Variants in CLIC5 observed in about 807,000 individuals in gnomAD.
CLIC5 encodes the protein chloride intracellular channel protein 5.
Under a neutral mutation model 24.7 loss-of-function variants are expected in CLIC5, and 20 were observed. That is an observed-to-expected ratio of 0.81 (90% CI 0.57 to 1.18). The LOEUF is 1.18. Among genes scored for constraint, CLIC5 ranks in the 50% most tolerant of loss-of-function variants. CLIC5 has a pLI of 0.00. For synonymous variants in CLIC5, 159 were observed against 135.6 expected (o/e 1.17, Z -1.20); for missense variants, 341 against 326.1 (o/e 1.05, Z -0.35).
intron 1 of CLIC5, among the ~76,000 whole-genome samples, chr6:45,993,917 C>T (rs1256379674): frequency 6.6e-6 from 1 of 152,212 alleles, no homozygotes; most frequent in African/African-American, 2.4e-5. Context: ...CACCACCTTT[C>T]TCAAGATACC....
At chr6:45,983,702 T>C (rs992770730) in intron 1 of CLIC5, among the ~76,000 whole-genome samples, 3 of 152,206 alleles carry the variant, frequency 2.0e-5, no homozygotes, top group Admixed American at 6.5e-5. Context: ...TTCATTTAAA[T>C]GTATGCACAC....
chr6:46,118,529 T>G, the CLIC5 span, among the ~76,000 whole-genome samples: 2 of 152,118 alleles, frequency 1.3e-5, no homozygotes, highest in Non-Finnish European at 2.9e-5. Context: ...ACTGTAAACT[T>G]TTTGAGGGTA....
At chr6:45,924,964 G>A (rs1349854730) in intron 4 of CLIC5, among the ~76,000 whole-genome samples, 1 of 152,116 alleles carries the variant, frequency 6.6e-6, no homozygotes, top group Non-Finnish European at 1.5e-5. Flanking sequence ...GATGTTTGGG[G>A]GTGGAGCAAC....
intron 4 of CLIC5, among the ~76,000 whole-genome samples, chr6:45,930,933 T>C (rs1763714206): frequency 6.6e-6 from 1 of 152,218 alleles, no homozygotes; most frequent in African/African-American, 2.4e-5. Context: ...TGCCTAAGAT[T>C]GAGGTCAGCA....
At position 46,063,608 on chromosome 6, in the gene CLIC5, T is replaced by C. The variant is rs561731496; in HGVS notation, c.540+16095A>G. On this transcript the variant is annotated intron_variant, in intron 1 of 5. Coordinates refer to the CLIC5 transcript ENST00000185206. ...AGAGGAGTCCCCTTGAATCTTTGAC[T>C]AAGTCCTGATCTGCATGTGCATGGG... Among the ~76,000 whole-genome samples the C allele has an allele frequency of 1.4e-4, 21 of 152,330 alleles. No individual in the cohort carries two copies. The East Asian group carries it at 3.7e-3, about 27-fold the overall frequency.
chr6:46,077,118 G>C (rs943556846), intron 1 of CLIC5, among the ~76,000 whole-genome samples: 18 of 151,916 alleles, frequency 1.2e-4, no homozygotes, highest in African/African-American at 4.1e-4. Flanking sequence ...TGGGAGACGA[G>C]ACTTTTTTTT....
Position 45,962,180 on chromosome 6 carries a change from G to A in CLIC5, c.64-6936C>T, listed in dbSNP as rs549089017. 3.3e-5 allele frequency among the ~76,000 whole-genome samples: 5 copies of A among 149,450 alleles called. No individual in the cohort carries two copies. In the South Asian group the frequency reaches 6.3e-4, roughly 19 times the overall value. On this transcript the variant is annotated intron_variant, in intron 1 of 5. Coordinates refer to ENST00000339561, the MANE Select transcript of CLIC5 (RefSeq NM_016929.5). ...TATAATAACATAATATTATATATAT[G>A]TGTGTGTATATATATATACACATAT...
chr6:45,905,996 A>G (rs1024653286), intron 5 of CLIC5, among the ~76,000 whole-genome samples: 11 of 152,074 alleles, frequency 7.2e-5, no homozygotes, highest in Non-Finnish European at 1.5e-4. Flanking sequence ...ATTTTTGTCA[A>G]TTTTGTGGAA....
the CLIC5 span, among the ~76,000 whole-genome samples, chr6:46,100,850 C>T: frequency 7.2e-5 from 11 of 152,138 alleles, no homozygotes; most frequent in Non-Finnish European, 1.2e-4. Flanking sequence ...AACCACAGAG[C>T]GATTACCACT....
chr6:46,071,635 A>G (rs1762600333), intron 1 of CLIC5, among the ~76,000 whole-genome samples: 1 of 152,168 alleles, frequency 6.6e-6, no homozygotes, highest in African/African-American at 2.4e-5. Context: ...ACTGTTGATT[A>G]GAGTGTAAGT....
At chr6:46,080,036 G>A in exon 1 of CLIC5, 4 of 1,551,574 alleles carry the variant, frequency 2.6e-6, no homozygotes, top group Non-Finnish European at 3.5e-6. Flanking sequence ...AGGCCAAGCT[G>A]GTCTCTTCAC....
At chr6:45,975,825 T>C (rs1344265957) in intron 1 of CLIC5, among the ~76,000 whole-genome samples, 1 of 152,204 alleles carries the variant, frequency 6.6e-6, no homozygotes, top group Non-Finnish European at 1.5e-5. Context: ...TTGAAAGGTA[T>C]ACAATATAAT....
intron 1 of CLIC5, among the ~76,000 whole-genome samples, chr6:46,007,363 C>T (rs1158118990): frequency 6.6e-6 from 1 of 152,208 alleles, no homozygotes; most frequent in Non-Finnish European, 1.5e-5. Context: ...GGACACTAAC[C>T]TTTCCAGGGG....
intron 1 of CLIC5, among the ~76,000 whole-genome samples, chr6:46,077,950 G>T (rs1762813737): frequency 6.6e-6 from 1 of 152,014 alleles, no homozygotes. Context: ...GCCAAATTTA[G>T]AAATAATGTC....
chr6:46,020,836 A>G (rs1211000734), upstream of CLIC5, among the ~76,000 whole-genome samples: 1 of 152,046 alleles, frequency 6.6e-6, no homozygotes, highest in Admixed American at 6.5e-5. Flanking sequence ...AAAATGGATA[A>G]AAGACACAGA....
At chr6:46,116,529 A>C in the CLIC5 span, among the ~76,000 whole-genome samples, 1 of 152,334 alleles carries the variant, frequency 6.6e-6, no homozygotes, top group African/African-American at 2.4e-5. Context: ...TGTCGAATGA[A>C]TGAGAAGCTT....
intron 4 of CLIC5, among the ~76,000 whole-genome samples, chr6:45,915,380 T>C (rs1025338177): frequency 6.6e-6 from 1 of 152,132 alleles, no homozygotes; most frequent in African/African-American, 2.4e-5. Flanking sequence ...CATCAGATAT[T>C]GTGGAAGTAT....
chr6:45,914,691 A>T (rs1325594367), intron 4 of CLIC5: 1 of 350,878 alleles, frequency 2.8e-6, no homozygotes, highest in Non-Finnish European at 4.2e-6. Context: ...GGTGGCTCAC[A>T]CCTGTAACCC....
chr6:45,995,683 A>C (rs1766108501), intron 1 of CLIC5, among the ~76,000 whole-genome samples: 1 of 152,222 alleles, frequency 6.6e-6, no homozygotes, highest in Non-Finnish European at 1.5e-5. Flanking sequence ...AGGATCTATA[A>C]GATTCAAAAG....
Sources: gnomAD v4.1 joint callset for allele counts (sites outside exome capture counted in the v4.1 genomes callset) on GRCh38, gnomAD v4.1.1 for gene constraint, MANE v1.5 for transcripts, NCBI Gene and HGNC (gene_info 2026-07-23, HGNC 2026-07-21) for gene names.